The following LCOR variants were observed in gnomAD, a reference collection of about 807,000 sequenced individuals.
LCOR encodes the protein ligand dependent nuclear receptor corepressor, also known as ligand-dependent corepressor.
LCOR carries 14 observed loss-of-function variants against 64.4 expected under a neutral mutation model. That is an observed-to-expected ratio of 0.22 (90% CI 0.14 to 0.34). The LOEUF is 0.34. Ranked by LOEUF, LCOR falls within the 10% of genes least tolerant of loss-of-function variation. LCOR has a pLI of 1.00. For missense variants in LCOR, 1,686 were observed against 1,765.3 expected (o/e 0.96, Z 0.80); for synonymous variants, 643 against 642.5 (o/e 1.00, Z -0.01).
chr10:96,907,514 G>A (rs923174931), intron 3 of LCOR, among the ~76,000 whole-genome samples, 154 bp from the exon 4 acceptor site: 5 of 152,086 alleles, frequency 3.3e-5, no homozygotes, highest in African/African-American at 1.2e-4. Context: ...TAACTAGTGA[G>A]CAGTTAAGAC....
intron 2 of LCOR, among the ~76,000 whole-genome samples, chr10:96,848,062 T>G (rs1035965236): frequency 6.6e-6 from 1 of 152,256 alleles, no homozygotes; most frequent in African/African-American, 2.4e-5. Flanking sequence ...TGAAGTTGTT[T>G]AGGTAAGAAT....
In LCOR at chr10:96,985,395, A is replaced by G. The variant is rs1031487766; in HGVS notation, c.*261A>G. On this transcript the variant is annotated 3_prime_UTR_variant, in exon 8 of 8. Coordinates refer to ENST00000421806, the MANE Select transcript of LCOR (RefSeq NM_001346516.2). ...TTGGAACCAAGCAGTTTTCGTTTTT[A>G]AAAGTACAGTGCCTTATTTATCCTT... is the stretch of plus-strand genomic sequence containing the variant. 2 of 364,544 alleles carry G rather than the reference A, an allele frequency of 5.5e-6. No individual in the cohort carries two copies. The highest frequency in any genetic ancestry group is 1.0e-5 in the Non-Finnish European group (2 of 198,952). The allele number at this position is 364,544 out of a possible 1,614,324, so 22.6% of individuals were successfully genotyped here. A position where few individuals can be genotyped will look rare whatever the true frequency, so the allele number is the denominator to read the frequency against.
chr10:96,937,916 C>T (rs1185518458), intron 4 of LCOR, among the ~76,000 whole-genome samples: 1 of 152,178 alleles, frequency 6.6e-6, no homozygotes, highest in African/African-American at 2.4e-5. Flanking sequence ...GAATTTATCC[C>T]AGGAGTGCAA....
Position 96,981,343 on chromosome 10 carries a change from C to G in LCOR, c.883C>G (p.Gln295Glu), listed in dbSNP as rs1390065642. ...AATCTTGGAGGGGCAGACCACTGGA[C>G]AAGAGCAAGACACAAATGTGAACAT... The part of the protein sequence containing the change: ...PKILEGQTTG[Q>E]EQDTNVNICE... The change falls in exon 8 of 8, where the codon CAA becomes GAA. Residue 295 changes from glutamine (Q) to glutamate (E), a missense_variant. Physicochemically the swap from Gln to Glu is conservative, Grantham distance 29. Around this residue, in one of 3 missense-constraint regions of LCOR, gnomAD observed 313 missense variants for 247.2 expected, o/e 1.27. Coordinates refer to ENST00000421806, the MANE Select transcript of LCOR (RefSeq NM_001346516.2). 1.9e-6 allele frequency: 3 copies of G among 1,613,120 alleles called. No homozygotes were observed. The highest frequency in any genetic ancestry group is 2.2e-5 in the South Asian group (2 of 91,036).
At position 96,984,376 on chromosome 10, in the gene LCOR, A is replaced by G. The variant is rs1478904847; in HGVS notation, c.3916A>G (p.Ser1306Gly). The stretch of plus-strand genomic sequence containing the variant: ...TCCAGCAAACCTGCCCACTCCAGCC[A>G]GTACCCGGATTCTTAGAAAATATTC... Reference protein sequence around the residue: ...HPPANLPTPASTRILRKYSNI... With the variant: ...HPPANLPTPAGTRILRKYSNI... Residue 1306 changes from serine (S) to glycine (G), a missense_variant, in exon 8 of 8, where the codon AGT becomes GGT. Ser to Gly is a moderately conservative substitution (Grantham distance 56). Around this residue, in one of 3 missense-constraint regions of LCOR, gnomAD observed 1,293 missense variants for 1,410.4 expected, o/e 0.92. Transcript: ENST00000421806. 3.1e-6 allele frequency: 5 copies of G among 1,614,220 alleles called. No homozygotes were observed. The Admixed American group carries it at 8.3e-5, about 27-fold the overall frequency.
intron 2 of LCOR, among the ~76,000 whole-genome samples, chr10:96,858,446 GA>G (rs1471649421): frequency 6.6e-6 from 1 of 152,164 alleles, no homozygotes; most frequent in Non-Finnish European, 1.5e-5. Flanking sequence ...GATCCTTCCA[GA>G]ACTACAGGGT....
chr10:96,930,556 A>G (rs1249798749), intron 4 of LCOR, among the ~76,000 whole-genome samples: 1 of 152,154 alleles, frequency 6.6e-6, no homozygotes, highest in East Asian at 1.9e-4. Context: ...GTGTTTTTAT[A>G]CTGTCATTTC....
At position 96,994,987 on chromosome 10, in the gene LCOR, G is replaced by A. The variant is rs770270647; in HGVS notation, c.*9853G>A. ...AAAAGCACAGCCCAGGGCCCTAATTGAGGCTAGCATGAATGCCTTTGAGGG... is the reference window on the plus strand; with the variant it reads ...AAAAGCACAGCCCAGGGCCCTAATTAAGGCTAGCATGAATGCCTTTGAGGG... On this transcript the variant is annotated 3_prime_UTR_variant, in exon 8 of 8. Transcript: ENST00000421806. The A allele has an allele frequency of 2.0e-5, 3 of 152,238 alleles. No homozygotes were observed. The highest frequency in any genetic ancestry group is 4.4e-5 in the Non-Finnish European group (3 of 68,048). 9.4% of individuals were successfully genotyped at this position (152,238 alleles called of 1,614,324 possible). A position where few individuals can be genotyped will look rare whatever the true frequency, so the allele number is the denominator to read the frequency against.
intron 7 of LCOR, chr10:96,954,973 A>G: frequency 6.2e-7 from 1 of 1,614,014 alleles, no homozygotes; most frequent in Non-Finnish European, 8.5e-7. Context: ...AGACCCAGCC[A>G]GTACCGCCCA....
At chr10:96,955,806 C>T (rs762281346) in intron 7 of LCOR, 1 of 1,614,096 alleles carries the variant, frequency 6.2e-7, no homozygotes, top group Non-Finnish European at 8.5e-7. Context: ...TTTGAAAAAC[C>T]CTCCAAAGAA....
intron 2 of LCOR, among the ~76,000 whole-genome samples, chr10:96,884,162 C>T (rs1055963886): frequency 2.0e-5 from 3 of 152,120 alleles, no homozygotes; most frequent in Non-Finnish European, 2.9e-5. Context: ...GCCTTTCACT[C>T]TTCATTCTCT....
At chr10:96,887,055 C>T (rs1294788024) in intron 2 of LCOR, among the ~76,000 whole-genome samples, 2 of 152,108 alleles carry the variant, frequency 1.3e-5, no homozygotes, top group African/African-American at 4.8e-5. Context: ...TCAGAAAGGT[C>T]AGAATTCTTT....
At position 96,920,751 on chromosome 10, in the gene LCOR, T is replaced by TATATGTACAC. The variant is rs761907103; in HGVS notation, c.-184+13005_-184+13006insTATGTACACA. ...GTTCATATATATGTGTATATATGTA[T>TATATGTACAC]ACACACACACACACACACACACACA... On this transcript the variant is annotated intron_variant, in intron 4 of 7. Transcript: ENST00000421806. 4.7e-4 allele frequency among the ~76,000 whole-genome samples: 56 copies of TATATGTACAC among 118,868 alleles called. 6 individuals are homozygous for TATATGTACAC. Among genetic ancestry groups the TATATGTACAC allele is most frequent in the African/African-American group, 2.1e-3 (53 of 25,598 alleles). The allele number at this position is 118,868 out of a possible 152,430, so 78.0% of individuals were successfully genotyped here. A position where few individuals can be genotyped will look rare whatever the true frequency, so the allele number is the denominator to read the frequency against.
chr10:96,867,810 A>C (rs965747599), intron 2 of LCOR, among the ~76,000 whole-genome samples: 2 of 152,102 alleles, frequency 1.3e-5, no homozygotes, highest in Non-Finnish European at 2.9e-5. Flanking sequence ...AATATATATA[A>C]ATTTTAGAAT....
At position 96,948,878 on chromosome 10, in the gene LCOR, T is replaced by A. The variant is rs551665415; in HGVS notation, c.-50-130T>A. 5 of 605,294 alleles carry A rather than the reference T, an allele frequency of 8.3e-6. No individual in the cohort carries two copies. In the South Asian group the frequency reaches 1.4e-4, roughly 17 times the overall value. The allele number at this position is 605,294 out of a possible 1,614,324, so 37.5% of individuals were successfully genotyped here. A position where few individuals can be genotyped will look rare whatever the true frequency, so the allele number is the denominator to read the frequency against. On this transcript the variant is annotated intron_variant, in intron 5 of 7. Transcript: ENST00000421806. The stretch of plus-strand genomic sequence containing the variant: ...AACTCAAAAGCTTAGAAAACATAAG[T>A]CAAAGGGGAGATACTATTTTTAAGA...
rs368119098 is a variant in LCOR at position 96,956,689 on chromosome 10, G to A, written c.332+4493G>A. ...TGAGATTTTCTAAGGGTAGAATTTG[G>A]TCTCACCAACAAGTGAGGATATAGC... On this transcript the variant is annotated intron_variant, in intron 7 of 7. Coordinates refer to ENST00000421806, the MANE Select transcript of LCOR (RefSeq NM_001346516.2). 5.5e-5 allele frequency: 54 copies of A among 985,796 alleles called. No individual in the cohort carries two copies. In the East Asian group the frequency reaches 1.8e-3, roughly 33 times the overall value. The allele number at this position is 985,796 out of a possible 1,614,324, so 61.1% of individuals were successfully genotyped here.
At chr10:96,973,620 TTTTGTTTTATTTA>T (rs1175369883) in intron 7 of LCOR, among the ~76,000 whole-genome samples, 3 of 152,092 alleles carry the variant, frequency 2.0e-5, no homozygotes. Context: ...GAGGAAGCAT[TTTTGTTTTATTTA>T]AAGAGTCAAG....
chr10:96,911,466 A>G (rs1348858727), intron 4 of LCOR, among the ~76,000 whole-genome samples: 1 of 152,180 alleles, frequency 6.6e-6, no homozygotes, highest in East Asian at 1.9e-4. Context: ...AAATAAAGAA[A>G]AGGAAAGGGT....
Position 96,966,220 on chromosome 10 carries a change from C to CTTT in LCOR, c.332+14048_332+14050dup, listed in dbSNP as rs34210121. On this transcript the variant is annotated intron_variant, in intron 7 of 7. Transcript: ENST00000421806. The stretch of plus-strand genomic sequence containing the variant: ...TGGGGATTTTTCCCCCCAAAGGACT[C>CTTT]TTTTTTTTTTTTTTTTTTTTTTTTT... Among the ~76,000 whole-genome samples, 94 of 55,138 alleles carry CTTT rather than the reference C, an allele frequency of 1.7e-3. 15 individuals carry two copies. The highest frequency in any genetic ancestry group is 4.1e-3 in the African/African-American group (50 of 12,172). 36.2% of individuals were successfully genotyped at this position (55,138 alleles called of 152,430 possible). A position where few individuals can be genotyped will look rare whatever the true frequency, so the allele number is the denominator to read the frequency against.
Sources: gnomAD v4.1 joint callset for allele counts (sites outside exome capture counted in the v4.1 genomes callset) on GRCh38, gnomAD v4.1.1 for gene constraint, gnomAD v4.1.1 regional missense constraint, MANE v1.5 for transcripts, NCBI Gene and HGNC (gene_info 2026-07-23, HGNC 2026-07-21) for gene names.